Variants in ADAMTSL1 observed in about 807,000 individuals in gnomAD.
The protein encoded by ADAMTSL1 is ADAMTS like 1.
ADAMTSL1 carries 126 observed loss-of-function variants against 201.8 expected under a neutral mutation model. The observed-to-expected ratio is 0.62, with a 90% CI of 0.54 to 0.72. The LOEUF is 0.72. Among genes scored for constraint, ADAMTSL1 ranks in the 30% least tolerant of loss-of-function variants. The pLI is 0.00. For synonymous variants in ADAMTSL1, 1,121 were observed against 903.4 expected (o/e 1.24, Z -4.32); for missense variants, 2,679 against 2,277.8 (o/e 1.18, Z -3.59).
intron 1 of ADAMTSL1, among the ~76,000 whole-genome samples, chr9:18,101,687 G>C (rs1360537946): frequency 6.6e-6 from 1 of 152,198 alleles, no homozygotes; most frequent in African/African-American, 2.4e-5. Flanking sequence ...TGGAGGTCTA[G>C]GAGGTGAGAG....
At chr9:18,829,485 G>A (rs960867348) in intron 22 of ADAMTSL1, among the ~76,000 whole-genome samples, 2 of 152,096 alleles carry the variant, frequency 1.3e-5, no homozygotes, top group Non-Finnish European at 2.9e-5. Flanking sequence ...CACAGAACTT[G>A]GCATAGTAAA....
intron 16 of ADAMTSL1, among the ~76,000 whole-genome samples, chr9:18,766,516 C>T (rs987695311): frequency 5.3e-5 from 8 of 152,146 alleles, no homozygotes; most frequent in South Asian, 2.1e-4. Context: ...CTGCTAGAAA[C>T]GCTATTTCTT....
At chr9:18,685,024 T>C (rs1359922166) in intron 13 of ADAMTSL1, 1 of 1,265,914 alleles carries the variant, frequency 7.9e-7, no homozygotes, top group Non-Finnish European at 1.0e-6. Context: ...AAAATGAAGG[T>C]GTAGTGCTTA....
chr9:18,693,564 T>C (rs1831366867), intron 13 of ADAMTSL1, among the ~76,000 whole-genome samples: 3 of 152,238 alleles, frequency 2.0e-5, no homozygotes, highest in African/African-American at 7.2e-5. Flanking sequence ...ATGACTTAGT[T>C]TCTTAGAGTC....
At chr9:18,633,594 C>G (rs1826915144) in intron 5 of ADAMTSL1, among the ~76,000 whole-genome samples, 1 of 144,510 alleles carries the variant, frequency 6.9e-6, no homozygotes, top group African/African-American at 2.5e-5. Flanking sequence ...GACTCCATCT[C>G]AAAAAACAAA....
intron 23 of ADAMTSL1, among the ~76,000 whole-genome samples, chr9:18,881,150 A>G (rs1399827581): frequency 1.3e-5 from 2 of 152,210 alleles, no homozygotes; most frequent in Non-Finnish European, 2.9e-5. Flanking sequence ...CTTTCTTCGT[A>G]TCAGCAATGA....
At chr9:18,621,493 T>C (rs1411976869) in intron 4 of ADAMTSL1, among the ~76,000 whole-genome samples, 1 of 151,522 alleles carries the variant, frequency 6.6e-6, no homozygotes, top group African/African-American at 2.4e-5. Context: ...CAGGACAGGG[T>C]AAGGCAAATG....
At chr9:18,400,016 A>G (rs1454682129) in intron 2 of ADAMTSL1, among the ~76,000 whole-genome samples, 3 of 152,192 alleles carry the variant, frequency 2.0e-5, no homozygotes, top group Non-Finnish European at 2.9e-5. Context: ...CTAATTAGTG[A>G]TGATTGATGA....
At chr9:18,892,281 C>A in intron 25 of ADAMTSL1, 108 bp from the exon 26 acceptor site, 1 of 1,092,378 alleles carries the variant, frequency 9.2e-7, no homozygotes, top group South Asian at 1.6e-5. Flanking sequence ...GTAAAAAGGG[C>A]CTTGGCCCCA....
Position 18,889,652 on chromosome 9 carries a change from T to A in ADAMTSL1, c.4547T>A (p.Leu1516Gln). Reference protein sequence around the residue: ...RGVQQPRLRCLLNSTEVNPAH... With the variant: ...RGVQQPRLRCQLNSTEVNPAH... ...GTTCAGCAGCCCCGCTTGAGGTGCC[T>A]GCTGAACAGCACGGAGGTCAACCCT... The change falls in exon 25 of 29, where the codon CTG (leucine) becomes CAG (glutamine). Residue 1516 changes from leucine to glutamine, a missense_variant. By Grantham distance (113) the Leu-to-Gln change is moderately radical. Transcript: ENST00000380548. The A allele has an allele frequency of 6.2e-7, 1 of 1,612,344 alleles. No individual in the cohort carries two copies. Among genetic ancestry groups the A allele is most frequent in the Non-Finnish European group, 8.5e-7 (1 of 1,179,210 alleles).
intron 4 of ADAMTSL1, among the ~76,000 whole-genome samples, chr9:18,582,867 T>TAAAATAAAATAAAATAAAATA (rs1453767315): frequency 6.0e-4 from 87 of 144,328 alleles, no homozygotes; most frequent in African/African-American, 2.2e-3. Flanking sequence ...ATAAAATAAA[T>TAAAATAAAATAAAATAAAATA]AAAATAAAAT....
At chr9:18,899,372 C>T (rs1829864801) in intron 26 of ADAMTSL1, among the ~76,000 whole-genome samples, 1 of 152,110 alleles carries the variant, frequency 6.6e-6, no homozygotes, top group Non-Finnish European at 1.5e-5. Flanking sequence ...GCCATACTGC[C>T]CAAAGGAGTT....
intron 1 of ADAMTSL1, among the ~76,000 whole-genome samples, chr9:18,503,419 G>GTATATATATA (rs1206500089): frequency 8.6e-5 from 5 of 58,234 alleles, no homozygotes; most frequent in African/African-American, 2.9e-4. Context: ...GTATTCCATT[G>GTATATATATA]TGTATATATA....
chr9:18,738,897 AT>A (rs1818666755), intron 15 of ADAMTSL1, among the ~76,000 whole-genome samples: 1 of 152,208 alleles, frequency 6.6e-6, no homozygotes, highest in African/African-American at 2.4e-5. Flanking sequence ...GATAGCAATA[AT>A]AATGATGGCA....
intron 1 of ADAMTSL1, among the ~76,000 whole-genome samples, chr9:17,932,377 C>G (rs1826832199): frequency 6.6e-6 from 1 of 152,036 alleles, no homozygotes; most frequent in Non-Finnish European, 1.5e-5. Context: ...TTCTGTGAGG[C>G]TGTTTCGAGG....
chr9:18,865,739 G>A (rs1328547081), intron 23 of ADAMTSL1, among the ~76,000 whole-genome samples: 2 of 152,068 alleles, frequency 1.3e-5, no homozygotes, highest in Admixed American at 6.5e-5. Context: ...TGGTTAAGAA[G>A]GGTTGATAGA....
At chr9:18,147,903 G>A (rs371162787) in intron 1 of ADAMTSL1, among the ~76,000 whole-genome samples, 1 of 152,010 alleles carries the variant, frequency 6.6e-6, no homozygotes, top group East Asian at 1.9e-4. Context: ...CTCCATATTG[G>A]AGATACCAGC....
intron 2 of ADAMTSL1, among the ~76,000 whole-genome samples, chr9:18,356,604 A>AACACAC (rs67090987): frequency 0.014 from 2,039 of 143,524 alleles, 25 homozygotes; most frequent in African/African-American, 0.035. Flanking sequence ...TACACAATAA[A>AACACAC]ACACACACAC....
At chr9:18,770,858 G>A in intron 17 of ADAMTSL1, 77 bp downstream of exon 17, 1 of 1,415,932 alleles carries the variant, frequency 7.1e-7, no homozygotes, top group Non-Finnish European at 9.6e-7. Context: ...ACATAGAAAA[G>A]GCAAGAAGAG....
Sources: gnomAD v4.1 joint callset for allele counts (sites outside exome capture counted in the v4.1 genomes callset) on GRCh38, gnomAD v4.1.1 for gene constraint, MANE v1.5 for transcripts, NCBI Gene and HGNC (gene_info 2026-07-23, HGNC 2026-07-21) for gene names.